RBPMS: variants seen among roughly 807,000 people sequenced by gnomAD.
The protein encoded by RBPMS is RNA binding protein, mRNA processing factor.
Under a neutral mutation model 26.8 loss-of-function variants are expected in RBPMS, and 7 were observed. That is an observed-to-expected ratio of 0.26 (90% confidence interval 0.15 to 0.49). The LOEUF is 0.49. Ranked by LOEUF, RBPMS falls within the 20% of genes least tolerant of loss-of-function variation. The pLI is 0.98. For missense variants in RBPMS, 186 were observed against 250.0 expected (o/e 0.74, Z 1.73); for synonymous variants, 96 against 93.3 (o/e 1.03, Z -0.17).
At chr8:30,523,466 T>C (rs569005143) in intron 5 of RBPMS, among the ~76,000 whole-genome samples, 2 of 151,724 alleles carry the variant, frequency 1.3e-5, no homozygotes, top group South Asian at 2.1e-4. Flanking sequence ...TGAGATAATA[T>C]ACTTTAAAAT....
chr8:30,446,198 T>C (rs1354330636), intron 1 of RBPMS, among the ~76,000 whole-genome samples: 1 of 152,236 alleles, frequency 6.6e-6, no homozygotes, highest in Non-Finnish European at 1.5e-5. Context: ...ATTATGGTAG[T>C]TATTCCTTCG....
intron 5 of RBPMS, among the ~76,000 whole-genome samples, chr8:30,509,015 T>A (rs1168258057): frequency 6.6e-6 from 1 of 152,162 alleles, no homozygotes; most frequent in African/African-American, 2.4e-5. Context: ...TAATGAAGAT[T>A]CCTGTACTCC....
At chr8:30,476,008 A>C (rs1018487937) in intron 2 of RBPMS, among the ~76,000 whole-genome samples, 2 of 152,204 alleles carry the variant, frequency 1.3e-5, no homozygotes, top group African/African-American at 2.4e-5. Flanking sequence ...TTTTATAAAA[A>C]GGACCATTTT....
At chr8:30,532,011 G>A (rs1824273119) in intron 5 of RBPMS, among the ~76,000 whole-genome samples, 1 of 152,112 alleles carries the variant, frequency 6.6e-6, no homozygotes, top group Non-Finnish European at 1.5e-5. Context: ...CATTTCCCTG[G>A]TGAAGCTGGA....
chr8:30,446,660 T>TGGAG (rs1266375208), intron 1 of RBPMS, among the ~76,000 whole-genome samples: 2 of 152,132 alleles, frequency 1.3e-5, no homozygotes, highest in East Asian at 3.9e-4. Context: ...AGACAGGGTT[T>TGGAG]TGCTCCATTG....
chr8:30,442,072 G>A (rs1813144834), intron 1 of RBPMS, among the ~76,000 whole-genome samples: 1 of 152,186 alleles, frequency 6.6e-6, no homozygotes, highest in African/African-American at 2.4e-5. Flanking sequence ...ACAGGTATGA[G>A]CCACCGCGCC....
At position 30,455,491 on chromosome 8, in the gene RBPMS, GAA is replaced by G. The variant is rs759799095; in HGVS notation, c.67-19284_67-19283del. On this transcript the variant is annotated intron_variant, in intron 1 of 8. Coordinates refer to ENST00000397323, the MANE Select transcript of RBPMS (RefSeq NM_001008710.3). ...AACAATGCATTAGGAGTACAGAAGAGAAAAAGAATTGGGGCAGTGGGGAAAGC... is the reference window on the plus strand; with the variant it reads ...AACAATGCATTAGGAGTACAGAAGAGAAAGAATTGGGGCAGTGGGGAAAGC... 3.9e-4 allele frequency among the ~76,000 whole-genome samples: 59 copies of G among 152,288 alleles called. 1 individual carries two copies. Among genetic ancestry groups the G allele is most frequent in the Non-Finnish European group, 6.9e-4 (47 of 68,018 alleles).
intron 6 of RBPMS, among the ~76,000 whole-genome samples, chr8:30,549,791 T>TCTCTCTCTCTCTCCCC (rs1233841435): frequency 6.4e-5 from 7 of 109,016 alleles, no homozygotes; most frequent in African/African-American, 1.2e-4. Flanking sequence ...TCTCTCTCTC[T>TCTCTCTCTCTCTCCCC]CTCTCCCCTC....
chr8:30,437,427 A>T (rs1812592906), intron 1 of RBPMS, among the ~76,000 whole-genome samples: 1 of 143,280 alleles, frequency 7.0e-6, no homozygotes, highest in Non-Finnish European at 1.5e-5. Context: ...GGCTGAGGCA[A>T]CAGGATCATT....
At chr8:30,511,471 G>GAAAAAAA (rs1188894079) in intron 5 of RBPMS, among the ~76,000 whole-genome samples, 2 of 11,210 alleles carry the variant, frequency 1.8e-4, no homozygotes, top group African/African-American at 4.9e-4. Flanking sequence ...AACAAAAAAA[G>GAAAAAAA]AAAAAAAAAA....
intron 2 of RBPMS, among the ~76,000 whole-genome samples, chr8:30,477,219 A>AT (rs1267712478): frequency 1.3e-5 from 2 of 152,040 alleles, no homozygotes; most frequent in East Asian, 1.9e-4. Flanking sequence ...TGCTCGGCTA[A>AT]TTTTTTTGTA....
intron 1 of RBPMS, among the ~76,000 whole-genome samples, chr8:30,441,469 C>G (rs1025552543): frequency 6.6e-6 from 1 of 152,192 alleles, no homozygotes; most frequent in African/African-American, 2.4e-5. Context: ...GTGAGGAAAG[C>G]ATTATTCATG....
At chr8:30,544,089 T>C (rs1825659914) in intron 5 of RBPMS, among the ~76,000 whole-genome samples, 1 of 152,254 alleles carries the variant, frequency 6.6e-6, no homozygotes, top group Non-Finnish European at 1.5e-5. Context: ...AGCCATGGTT[T>C]TCCCAAAGGC....
At position 30,427,482 on chromosome 8, in the gene RBPMS, T is replaced by C. The variant is rs965884406; in HGVS notation, c.66+42324T>C. Among the ~76,000 whole-genome samples, 25 of 152,348 alleles carry C rather than the reference T, an allele frequency of 1.6e-4. 1 individual carries two copies. The highest frequency in any genetic ancestry group is 1.0e-3 in the South Asian group (5 of 4,826). On this transcript the variant is annotated intron_variant, in intron 1 of 8. Coordinates refer to ENST00000397323, the MANE Select transcript of RBPMS (RefSeq NM_001008710.3). ...TTCTTTACCTGGAATGCCCTTCCAT[T>C]CTTCCTCCACTACAGGAATGCCTGC...
At chr8:30,559,527 C>T (rs1317649616) in intron 7 of RBPMS, among the ~76,000 whole-genome samples, 1 of 152,194 alleles carries the variant, frequency 6.6e-6, no homozygotes, top group African/African-American at 2.4e-5. Flanking sequence ...TTAGGCCTAA[C>T]GTTGCTTCAG....
At chr8:30,544,142 T>G (rs1486510145) in intron 5 of RBPMS, among the ~76,000 whole-genome samples, 7 of 152,224 alleles carry the variant, frequency 4.6e-5, no homozygotes, top group Admixed American at 1.3e-4. Context: ...TGGTTCTTTC[T>G]CTCCCTTTTC....
intron 4 of RBPMS, among the ~76,000 whole-genome samples, chr8:30,502,818 T>C (rs1439089937): frequency 2.6e-5 from 4 of 152,214 alleles, no homozygotes; most frequent in African/African-American, 9.7e-5. Context: ...TGTTTTTGTT[T>C]TTCCTTATAT....
chr8:30,385,834 T>C (rs536541395), intron 1 of RBPMS, among the ~76,000 whole-genome samples: 24 of 152,326 alleles, frequency 1.6e-4, no homozygotes, highest in African/African-American at 5.3e-4. Flanking sequence ...CTTTGACTTC[T>C]GAGCATGCAT....
At chr8:30,542,057 G>C (rs951560656) in intron 5 of RBPMS, among the ~76,000 whole-genome samples, 1 of 152,140 alleles carries the variant, frequency 6.6e-6, no homozygotes, top group African/African-American at 2.4e-5. Context: ...TTCATGATGG[G>C]AGAAGGGAGA....
Sources: allele counts gnomAD v4.1 joint callset (sites outside exome capture counted in the v4.1 genomes callset), GRCh38; gene constraint gnomAD v4.1.1; transcripts MANE v1.5; gene names NCBI Gene and HGNC (gene_info 2026-07-23, HGNC 2026-07-21).